Variants in DIAPH2 observed in about 807,000 individuals in gnomAD.
DIAPH2 encodes the protein diaphanous related formin 2, also known as protein diaphanous homolog 2.
Under a neutral mutation model 92.7 loss-of-function variants are expected in DIAPH2, and 35 were observed. The ratio of observed to expected loss-of-function variants is 0.38; its 90% CI spans 0.29 to 0.50. The LOEUF is 0.50. DIAPH2 is among the 20% of genes least tolerant of loss of function. The pLI, the probability that DIAPH2 is intolerant of heterozygous loss-of-function variation, is 0.94. For missense variants in DIAPH2, 701 were observed against 819.5 expected (o/e 0.86, Z 1.77); for synonymous variants, 301 against 280.4 (o/e 1.07, Z -0.73).
chrX:97,232,068 A>G (rs1376187346), intron 22 of DIAPH2, among the ~76,000 whole-genome samples: 1 of 110,900 alleles, frequency 9.0e-6, no homozygotes, highest in Non-Finnish European at 1.9e-5. Context: ...AGCTTCCCCC[A>G]TAGCATGTAA....
chrX:96,831,230 C>T (rs923429815), intron 4 of DIAPH2, among the ~76,000 whole-genome samples: 4 of 111,566 alleles, frequency 3.6e-5, no homozygotes, highest in Non-Finnish European at 5.6e-5. Flanking sequence ...GGAAGCCTTT[C>T]CTAACTTCCC....
At chrX:97,008,322 G>A (rs2066198988) in intron 17 of DIAPH2, among the ~76,000 whole-genome samples, 1 of 109,564 alleles carries the variant, frequency 9.1e-6, no homozygotes, top group Non-Finnish European at 1.9e-5. Flanking sequence ...TTCCTTCTCT[G>A]TGTTATCTTG....
chrX:96,980,990 A>G, intron 17 of DIAPH2, among the ~76,000 whole-genome samples: 1 of 87,115 alleles, frequency 1.1e-5, no homozygotes, highest in Admixed American at 1.3e-4. Context: ...GTGAAACCCC[A>G]TCTCTACCAA....
At chrX:96,889,455 C>T (rs771903519) in intron 5 of DIAPH2, among the ~76,000 whole-genome samples, 7 of 111,599 alleles carry the variant, frequency 6.3e-5, no homozygotes, top group East Asian at 2.8e-4. Flanking sequence ...TGATAAATTA[C>T]GAAAACAATT....
At chrX:97,514,897 C>G (rs1425581473) in intron 26 of DIAPH2, among the ~76,000 whole-genome samples, 1 of 111,504 alleles carries the variant, frequency 9.0e-6, no homozygotes, top group Admixed American at 9.5e-5. Flanking sequence ...GTTGGGAGAA[C>G]CACTGCTCTC....
intron 26 of DIAPH2, among the ~76,000 whole-genome samples, chrX:97,531,593 G>A (rs1043304299): frequency 1.8e-5 from 2 of 111,989 alleles, no homozygotes; most frequent in African/African-American, 6.5e-5. Context: ...ATGTTTATCT[G>A]TTATGTGCAC....
At chrX:96,735,889 G>A (rs1241938269) in intron 2 of DIAPH2, 99 bp downstream of exon 2, 4 of 477,145 alleles carry the variant, frequency 8.4e-6, no homozygotes, top group African/African-American at 5.0e-5. Context: ...GATACAAAAT[G>A]TCTGGATATT....
chrX:97,314,906 T>G (rs2068828158), intron 23 of DIAPH2, among the ~76,000 whole-genome samples: 1 of 111,957 alleles, frequency 8.9e-6, no homozygotes, highest in African/African-American at 3.2e-5. Flanking sequence ...AATGTTTTAG[T>G]TGAACAATTT....
rs149595440 is a variant in DIAPH2, at chrX:96,723,916, A to ATTTTT, written c.133-11821_133-11817dup. Among the ~76,000 whole-genome samples the ATTTTT allele has an allele frequency of 1.7e-3, 121 of 71,256 alleles. 1 individual carries two copies. Among genetic ancestry groups the ATTTTT allele is most frequent in the East Asian group, 5.6e-3 (11 of 1,978 alleles). The allele number at this position is 71,256 out of a possible 115,157, so 61.9% of individuals were successfully genotyped here. On this transcript the variant is annotated intron_variant, in intron 1 of 26. Transcript: ENST00000324765. ...GTAACCCCATAAGAGTGATTCTATA[A>ATTTTT]TTTTTTTTTTTTTTTTTTTTTTTTT...
At chrX:96,886,291 CT>C (rs2065261423) in intron 5 of DIAPH2, among the ~76,000 whole-genome samples, 2 of 109,066 alleles carry the variant, frequency 1.8e-5, no homozygotes, top group South Asian at 7.7e-4. Context: ...AAAACATATA[CT>C]TTTTAATGAA....
intron 26 of DIAPH2, among the ~76,000 whole-genome samples, chrX:97,483,742 T>C (rs1386221360): frequency 8.9e-6 from 1 of 111,974 alleles, no homozygotes; most frequent in Non-Finnish European, 1.9e-5. Context: ...TCATTGAATG[T>C]GTCATACATA....
chrX:96,892,537 C>A (rs1263114741), intron 5 of DIAPH2, among the ~76,000 whole-genome samples: 1 of 111,413 alleles, frequency 9.0e-6, no homozygotes, highest in Non-Finnish European at 1.9e-5. Flanking sequence ...TAAGTTGATA[C>A]CATATATATT....
chrX:96,773,393 G>T (rs1468621914), intron 4 of DIAPH2, among the ~76,000 whole-genome samples: 3 of 110,704 alleles, frequency 2.7e-5, no homozygotes, highest in Non-Finnish European at 5.7e-5. Flanking sequence ...GTCCTGGTAA[G>T]AGGACATTTG....
At chrX:96,820,947 T>G (rs1224071463) in intron 4 of DIAPH2, among the ~76,000 whole-genome samples, 1 of 112,259 alleles carries the variant, frequency 8.9e-6, no homozygotes, top group Non-Finnish European at 1.9e-5. Flanking sequence ...ACCAGCCACA[T>G]GAAGATCAGG....
At chrX:96,917,242 A>C (rs1020689670) in intron 8 of DIAPH2, among the ~76,000 whole-genome samples, 10 of 111,346 alleles carry the variant, frequency 9.0e-5, no homozygotes, top group Admixed American at 6.7e-4. Flanking sequence ...ACCCGAACCA[A>C]AATATTTCCT....
At chrX:96,970,252 A>C (rs1354694473) in intron 17 of DIAPH2, among the ~76,000 whole-genome samples, 2 of 110,923 alleles carry the variant, frequency 1.8e-5, no homozygotes, top group Non-Finnish European at 3.8e-5. Flanking sequence ...AGGAGTCCCT[A>C]CTCTTCAATG....
intron 4 of DIAPH2, among the ~76,000 whole-genome samples, chrX:96,844,330 C>G (rs2064957095): frequency 8.9e-6 from 1 of 112,444 alleles, no homozygotes; most frequent in African/African-American, 3.2e-5. Flanking sequence ...ATTTAAACCA[C>G]CATCAATCAA....
At chrX:96,694,610 G>A (rs1228065730) in intron 1 of DIAPH2, among the ~76,000 whole-genome samples, 4 of 111,791 alleles carry the variant, frequency 3.6e-5, no homozygotes, top group African/African-American at 9.8e-5. Context: ...CAAAGTGCTG[G>A]GATTACAGGC....
intron 24 of DIAPH2, among the ~76,000 whole-genome samples, chrX:97,348,502 A>C (rs1039320897): frequency 8.9e-6 from 1 of 112,009 alleles, no homozygotes; most frequent in Non-Finnish European, 1.9e-5. Context: ...CTTCAATGTT[A>C]AGTATACATG....
Sources: allele counts gnomAD v4.1 joint callset (sites outside exome capture counted in the v4.1 genomes callset), GRCh38; gene constraint gnomAD v4.1.1; transcripts MANE v1.5; gene names NCBI Gene and HGNC (gene_info 2026-07-23, HGNC 2026-07-21).